NLK: variants seen among roughly 807,000 people sequenced by gnomAD.
NLK encodes serine/threonine-protein kinase NLK.
NLK carries 11 observed loss-of-function variants against 59.0 expected under a neutral mutation model. That is an observed-to-expected ratio of 0.19 (90% CI 0.12 to 0.31). The LOEUF (loss-of-function observed/expected upper bound fraction) is 0.31, where lower values mean the gene tolerates loss of function less well. Ranked by LOEUF, NLK falls within the 10% of genes least tolerant of loss-of-function variation. The pLI, the probability that NLK is intolerant of heterozygous loss-of-function variation, is 1.00. For missense variants in NLK, 410 were observed against 661.1 expected (o/e 0.62, Z 4.16); for synonymous variants, 235 against 235.9 (o/e 1.00, Z 0.03).
intron 1 of NLK, among the ~76,000 whole-genome samples, chr17:28,078,882 G>T (rs1910255217): frequency 6.6e-6 from 1 of 151,954 alleles, no homozygotes; most frequent in Non-Finnish European, 1.5e-5. Context: ...TACTCTTATG[G>T]ATTCTTTTTA....
Position 28,192,811 on chromosome 17 carries a change from G to C in NLK, c.1529+598G>C, listed in dbSNP as rs188783107. On this transcript the variant is annotated intron_variant, in intron 10 of 10. Transcript: ENST00000407008. ...GTCCTGCTGCAGCATTAGTATGGTG[G>C]CCACCTGTCCTGGAGTTAGACGTGG... Among the ~76,000 whole-genome samples, 3 of 152,324 alleles carry C rather than the reference G, an allele frequency of 2.0e-5. No individual in the cohort carries two copies. In the East Asian group the frequency reaches 5.8e-4, roughly 29 times the overall value.
At chr17:28,190,280 T>C (rs1330501362) in intron 8 of NLK, among the ~76,000 whole-genome samples, 2 of 152,138 alleles carry the variant, frequency 1.3e-5, no homozygotes, top group Non-Finnish European at 2.9e-5. Context: ...AAAGTTTAGA[T>C]TTTCAGGCAA....
chr17:28,149,331 C>T (rs941376994), intron 3 of NLK, among the ~76,000 whole-genome samples: 1 of 151,994 alleles, frequency 6.6e-6, no homozygotes, highest in African/African-American at 2.4e-5. Context: ...CCCAAAGTGC[C>T]GGGTTTATAG....
the NLK span, among the ~76,000 whole-genome samples, chr17:28,204,807 G>A: frequency 6.6e-6 from 1 of 152,196 alleles, no homozygotes; most frequent in South Asian, 2.1e-4. Context: ...TTATTAACAC[G>A]AAATGATGTC....
intron 8 of NLK, among the ~76,000 whole-genome samples, chr17:28,187,266 C>G (rs1275917989): frequency 2.0e-5 from 3 of 152,186 alleles, no homozygotes; most frequent in African/African-American, 7.2e-5. Context: ...AAGGCATCCT[C>G]TTTCTCTGAG....
intron 1 of NLK, among the ~76,000 whole-genome samples, chr17:28,047,512 A>T (rs1038222574): frequency 1.3e-5 from 2 of 152,208 alleles, no homozygotes; most frequent in African/African-American, 4.8e-5. Context: ...CTGTTTTAGA[A>T]AGTATTATGG....
rs187809972 is a variant in NLK, at chr17:28,064,567, A to T, written c.458+21236A>T. ...ACAGACATTTAACACATTATTTTTT[A>T]AAAAAAGTTTTTCAGGGATGGGGTC... On this transcript the variant is annotated intron_variant, in intron 1 of 10. Transcript: ENST00000407008. 7.2e-3 allele frequency among the ~76,000 whole-genome samples: 1,099 copies of T among 152,200 alleles called. 12 individuals carry two copies. Among genetic ancestry groups the T allele is most frequent in the South Asian group, 0.013 (61 of 4,824 alleles).
chr17:28,192,043 G>T, intron 9 of NLK, 77 bp from the exon 10 acceptor site: 1 of 750,098 alleles, frequency 1.3e-6, no homozygotes. Context: ...TCAGATGCTG[G>T]CTAGAGTTCG....
chr17:28,170,116 C>T (rs1908403759), intron 6 of NLK, among the ~76,000 whole-genome samples: 1 of 152,088 alleles, frequency 6.6e-6, no homozygotes, highest in South Asian at 2.1e-4. Flanking sequence ...GAGGGACAAC[C>T]ACCATAACAA....
chr17:28,098,690 T>G (rs1309502220), intron 1 of NLK, among the ~76,000 whole-genome samples: 2 of 149,050 alleles, frequency 1.3e-5, no homozygotes, highest in East Asian at 3.9e-4. Context: ...TTTTTTTTTT[T>G]TTTTTTTTTG....
At chr17:28,138,227 A>G (rs1357955615) in intron 3 of NLK, among the ~76,000 whole-genome samples, 2 of 152,230 alleles carry the variant, frequency 1.3e-5, no homozygotes, top group Non-Finnish European at 2.9e-5. Context: ...CTGCTTTGGG[A>G]AAAGCTTATT....
intron 6 of NLK, among the ~76,000 whole-genome samples, chr17:28,172,219 T>C (rs1334686256): frequency 3.3e-5 from 5 of 150,248 alleles, no homozygotes; most frequent in Admixed American, 2.0e-4. Context: ...TAAATTCCTT[T>C]ACATGAGGAA....
the NLK span, among the ~76,000 whole-genome samples, chr17:28,205,507 T>C: frequency 8.5e-5 from 13 of 152,178 alleles, no homozygotes; most frequent in African/African-American, 3.1e-4. Context: ...AGCACCAATG[T>C]CAAAGGGAAG....
chr17:28,059,172 T>G (rs1909545474), intron 1 of NLK, among the ~76,000 whole-genome samples: 1 of 152,106 alleles, frequency 6.6e-6, no homozygotes, highest in Admixed American at 6.6e-5. Flanking sequence ...CCATTATGTA[T>G]TAAAAGATCC....
chr17:28,149,476 G>A (rs778444637), intron 3 of NLK, among the ~76,000 whole-genome samples: 4 of 152,198 alleles, frequency 2.6e-5, no homozygotes. Context: ...TCAGAAATTT[G>A]TAGGTGCTGA....
In NLK at chr17:28,091,475, TTATA is replaced by T. The variant is rs58232588; in HGVS notation, c.459-31115_459-31112del. On this transcript the variant is annotated intron_variant, in intron 1 of 10. Transcript: ENST00000407008. The stretch of plus-strand genomic sequence containing the variant: ...ACATGTCTAAAATATATAATTATAT[TTATA>T]TATATATATATACACACACACATAT... 6.2e-3 allele frequency among the ~76,000 whole-genome samples: 927 copies of T among 148,666 alleles called. 9 individuals carry two copies. The highest frequency in any genetic ancestry group is 0.021 in the African/African-American group (866 of 40,786).
chr17:28,201,669 T>C, the NLK span, among the ~76,000 whole-genome samples: 1 of 152,080 alleles, frequency 6.6e-6, no homozygotes, highest in African/African-American at 2.4e-5. Flanking sequence ...GCTGGTTCAG[T>C]ATTCAAAAAT....
intron 3 of NLK, among the ~76,000 whole-genome samples, chr17:28,135,377 G>C (rs893757890): frequency 1.3e-5 from 2 of 152,160 alleles, no homozygotes; most frequent in Admixed American, 6.5e-5. Context: ...CTTAGCTGCC[G>C]AGTCTCCAGC....
chr17:28,078,286 G>A (rs907420512), intron 1 of NLK, among the ~76,000 whole-genome samples: 3 of 151,820 alleles, frequency 2.0e-5, no homozygotes, highest in African/African-American at 7.3e-5. Context: ...TTCAAGCATT[G>A]AAGTAAAAAT....
Sources: allele counts gnomAD v4.1 joint callset (sites outside exome capture counted in the v4.1 genomes callset), GRCh38; gene constraint gnomAD v4.1.1; transcripts MANE v1.5; gene names NCBI Gene and HGNC (gene_info 2026-07-23, HGNC 2026-07-21).